The following USP48 variants were observed in gnomAD, a reference collection of about 807,000 sequenced individuals.
USP48 encodes ubiquitin carboxyl-terminal hydrolase 48.
Under a neutral mutation model 150.7 loss-of-function variants are expected in USP48, and 43 were observed. The ratio of observed to expected loss-of-function variants is 0.29; its 90% confidence interval spans 0.22 to 0.37. The LOEUF is 0.37. Ranked by LOEUF, USP48 falls within the 10% of genes least tolerant of loss-of-function variation. The pLI, the probability that USP48 is intolerant of heterozygous loss-of-function variation, is 1.00. For missense variants in USP48, 813 were observed against 1,249.6 expected, an observed-to-expected ratio of 0.65 and a Z score of 5.27; for synonymous variants, 396 against 425.9, an observed-to-expected ratio of 0.93 and a Z score of 0.86.
chr1:21,758,411 C>T (rs975101175), intron 1 of USP48, among the ~76,000 whole-genome samples: 1 of 152,006 alleles, frequency 6.6e-6, no homozygotes, highest in African/African-American at 2.4e-5. Flanking sequence ...AAAGGAAAAA[C>T]AAGAGACTAA....
intron 1 of USP48, among the ~76,000 whole-genome samples, chr1:21,779,810 T>C (rs957017720): frequency 6.6e-6 from 1 of 152,198 alleles, no homozygotes; most frequent in East Asian, 1.9e-4. Context: ...AACGAGCACA[T>C]GAAAAGACGC....
rs2097820840 is a variant in USP48 at position 21,753,078 on chromosome 1, A to C, written c.454T>G (p.Phe152Val). Residue 152 changes from phenylalanine (F) to valine (V), a missense_variant, in exon 4 of 27, where the codon TTT becomes GTT. Phe to Val is a conservative substitution (Grantham distance 50, BLOSUM62 -1). Transcript: ENST00000308271. ...CTATTACTGTTTTGCAACAAGGCAA[A>C]CAAGTACTGGAGATGCTCACAAATT... ...QTICEHLQYL[F>V]ALLQNSNRRY... 6.2e-7 allele frequency: 1 copy of C among 1,612,236 alleles called. No individual in the cohort carries two copies. The highest frequency in any genetic ancestry group is 1.7e-5 in the Admixed American group (1 of 59,550).
At chr1:21,780,644 G>C (rs2097911974) in intron 1 of USP48, among the ~76,000 whole-genome samples, 1 of 151,684 alleles carries the variant, frequency 6.6e-6, no homozygotes, top group South Asian at 2.1e-4. Flanking sequence ...AGTCACAAAA[G>C]TCCACGTATT....
chr1:21,739,587 T>C (rs1245143336), intron 8 of USP48, among the ~76,000 whole-genome samples: 8 of 151,862 alleles, frequency 5.3e-5, no homozygotes, highest in Non-Finnish European at 1.0e-4. Flanking sequence ...CAATATGATG[T>C]TTGATATGTT....
chr1:21,756,186 T>A (rs1029447257), intron 3 of USP48, among the ~76,000 whole-genome samples: 1 of 143,222 alleles, frequency 7.0e-6, no homozygotes, highest in African/African-American at 2.6e-5. Flanking sequence ...ATAATAATAA[T>A]AAAATAAGTT....
Position 21,748,141 on chromosome 1 carries a change from T to C in USP48, c.905A>G (p.Asp302Gly). 1 of 1,613,442 alleles carries C rather than the reference T, an allele frequency of 6.2e-7. No homozygotes were observed. Among genetic ancestry groups the C allele is most frequent in the Non-Finnish European group, 8.5e-7 (1 of 1,179,724 alleles). ...LNLQLMRFVF[D>G]RQTGHKKKLN... The stretch of plus-strand genomic sequence containing the variant: ...ACTAATATTTGCACACATTTACCTG[T>C]CAAAGACAAAACGCATTAGCTGCAA... The change falls in exon 7 of 27, where the codon GAC (aspartate) becomes GGC (glycine). Residue 302 changes from aspartate to glycine, a missense_variant. Asp to Gly is a moderately conservative substitution (Grantham distance 94). Transcript: ENST00000308271.
rs2097719442 is a variant in USP48 at position 21,721,054 on chromosome 1, C to T, written c.1876G>A (p.Gly626Ser). 8 of 1,614,194 alleles carry T rather than the reference C, an allele frequency of 5.0e-6. No homozygotes were observed. The highest frequency in any genetic ancestry group is 1.1e-5 in the South Asian group (1 of 91,082). ...DAEQSNGKMN[G>S]STLNKDESKE... Reference sequence around the variant, plus strand: ...GTGTTACCTTTATTTAAGGTGCTACCGTTCATCTTTCCGTTGCTTTGTTCT... The same window carrying T: ...GTGTTACCTTTATTTAAGGTGCTACTGTTCATCTTTCCGTTGCTTTGTTCT... Residue 626 changes from glycine to serine, a missense_variant, in exon 14 of 27, where the codon GGT becomes AGT. Physicochemically the swap from Gly to Ser is moderately conservative, Grantham distance 56 (BLOSUM62 0). Transcript: ENST00000308271.
rs1355193403 is a variant in USP48 at position 21,703,500 on chromosome 1, A to G, written c.2622+12T>C. On this transcript the variant is annotated intron_variant, in intron 21 of 26. Coordinates refer to ENST00000308271, the MANE Select transcript of USP48 (RefSeq NM_032236.8). ...GATCATTACTAGTCATTGCCACAAG[A>G]GGGACCAGTACCTTTTTATTATCCA... The G allele has an allele frequency of 3.7e-6, 6 of 1,602,020 alleles. No homozygotes were observed. Among genetic ancestry groups the G allele is most frequent in the Non-Finnish European group, 4.3e-6 (5 of 1,171,750 alleles).
intron 22 of USP48, among the ~76,000 whole-genome samples, chr1:21,700,281 C>T (rs2097651541): frequency 6.6e-6 from 1 of 152,046 alleles, no homozygotes; most frequent in South Asian, 2.1e-4. Flanking sequence ...AGTGGCTGAT[C>T]ACTGTCACAA....
chr1:21,729,610 C>G, intron 10 of USP48, 94 bp downstream of exon 10: 1 of 1,395,612 alleles, frequency 7.2e-7, no homozygotes, highest in Admixed American at 2.2e-5. Flanking sequence ...ATCAATTTAT[C>G]ATAGTAACTA....
intron 1 of USP48, among the ~76,000 whole-genome samples, chr1:21,774,037 G>A (rs1031468552): frequency 6.6e-6 from 1 of 151,976 alleles, no homozygotes; most frequent in Non-Finnish European, 1.5e-5. Context: ...TAATTAGGTG[G>A]GTATGGTGGC....
At chr1:21,757,579 G>A (rs997500991) in intron 2 of USP48, 84 bp downstream of exon 2, 28 of 1,470,810 alleles carry the variant, frequency 1.9e-5, no homozygotes, top group Non-Finnish European at 2.6e-5. Flanking sequence ...AATCAGTAGA[G>A]TTTTCTGATC....
intron 1 of USP48, among the ~76,000 whole-genome samples, chr1:21,780,834 C>T (rs1167584565): frequency 2.7e-5 from 4 of 150,166 alleles, no homozygotes; most frequent in Non-Finnish European, 4.4e-5. Flanking sequence ...CCTCCACCTC[C>T]CGGGTTCCAG....
chr1:21,777,473 T>G (rs922057141), intron 1 of USP48, among the ~76,000 whole-genome samples: 3 of 152,116 alleles, frequency 2.0e-5, no homozygotes, highest in Non-Finnish European at 4.4e-5. Flanking sequence ...AAGGTCAGCC[T>G]GGGTAACATA....
chr1:21,688,860 A>AAAG (rs2097587751), intron 24 of USP48, among the ~76,000 whole-genome samples: 1 of 150,818 alleles, frequency 6.6e-6, no homozygotes, highest in African/African-American at 2.4e-5. Context: ...AAAAAAAAAA[A>AAAG]AAGAAGAAGC....
chr1:21,763,397 A>G (rs1275999514), intron 1 of USP48, among the ~76,000 whole-genome samples: 1 of 152,226 alleles, frequency 6.6e-6, no homozygotes, highest in African/African-American at 2.4e-5. Context: ...GGTGCTTTGC[A>G]TTAAAAGGGC....
At position 21,721,647 on chromosome 1, in the gene USP48, T is replaced by C. The variant is rs2152543523; in HGVS notation, c.1763+3A>G. ...CATTAACAATGTACACTGTGCAACA[T>C]ACCCCTTTACTGCTGCTTTCAGCAG... On this transcript the variant is annotated splice_donor_region_variant and intron_variant, in intron 13 of 26. Coordinates refer to ENST00000308271, the MANE Select transcript of USP48 (RefSeq NM_032236.8). The C allele has an allele frequency of 1.3e-6, 2 of 1,570,752 alleles. No homozygotes were observed. The highest frequency in any genetic ancestry group is 1.7e-6 in the Non-Finnish European group (2 of 1,148,948).
At chr1:21,684,590 C>T (rs2097575741) in intron 25 of USP48, among the ~76,000 whole-genome samples, 1 of 152,120 alleles carries the variant, frequency 6.6e-6, no homozygotes, top group Non-Finnish European at 1.5e-5. Context: ...GTTCCCTGTG[C>T]TTTGAGGTCT....
chr1:21,695,880 T>TA lies in USP48; in HGVS notation c.2728-660dup, dbSNP rs201617020. On this transcript the variant is annotated intron_variant, in intron 22 of 26. Coordinates refer to ENST00000308271, the MANE Select transcript of USP48 (RefSeq NM_032236.8). ...TTAAAAATAAAATATGGAACATTAA[T>TA]AAAAAAAAATCAAACTTAGTTTGAC... 2.2e-3 allele frequency among the ~76,000 whole-genome samples: 328 copies of TA among 151,498 alleles called. 1 individual carries two copies. Among genetic ancestry groups the TA allele is most frequent in the African/African-American group, 6.5e-3 (270 of 41,328 alleles).
Sources: gnomAD v4.1 joint callset for allele counts (sites outside exome capture counted in the v4.1 genomes callset) on GRCh38, gnomAD v4.1.1 for gene constraint, MANE v1.5 for transcripts, NCBI Gene and HGNC (gene_info 2026-07-23, HGNC 2026-07-21) for gene names.